SAMD12: variants seen among roughly 807,000 people sequenced by gnomAD.
SAMD12 encodes sterile alpha motif domain-containing protein 12.
In SAMD12, 9 loss-of-function variants were observed where a neutral mutation model predicts 15.0. The ratio of observed to expected loss-of-function variants is 0.60; its 90% CI spans 0.36 to 1.05. The LOEUF (loss-of-function observed/expected upper bound fraction) is 1.05. Ranked by LOEUF, SAMD12 falls within the 50% of genes least tolerant of loss-of-function variation. The pLI is 0.01. For missense variants in SAMD12, 230 were observed against 234.2 expected (o/e 0.98, Z 0.12); for synonymous variants, 86 against 90.1 (o/e 0.96, Z 0.25).
chr8:118,607,012 A>G (rs1026693681), intron 1 of SAMD12, among the ~76,000 whole-genome samples: 3 of 152,098 alleles, frequency 2.0e-5, no homozygotes, highest in African/African-American at 7.2e-5. Context: ...ATAGGCAAGC[A>G]CCTACCAAGG....
chr8:118,421,074 A>G (rs1421603714), intron 3 of SAMD12, among the ~76,000 whole-genome samples: 2 of 152,202 alleles, frequency 1.3e-5, no homozygotes, highest in Non-Finnish European at 2.9e-5. Context: ...AATCCTCCTA[A>G]TATGGTCTTA....
the SAMD12 span, among the ~76,000 whole-genome samples, chr8:118,148,506 T>A: frequency 6.6e-6 from 1 of 152,234 alleles, no homozygotes; most frequent in Non-Finnish European, 1.5e-5. Context: ...AACATTATGA[T>A]CTTTTAAAAA....
chr8:118,529,359 T>C (rs1035707826), intron 2 of SAMD12, among the ~76,000 whole-genome samples: 3 of 152,218 alleles, frequency 2.0e-5, no homozygotes, highest in African/African-American at 7.2e-5. Context: ...TGGGCTTTCA[T>C]TGTCACAAGG....
chr8:118,538,977 T>A (rs150527086), intron 2 of SAMD12, among the ~76,000 whole-genome samples: 2 of 152,342 alleles, frequency 1.3e-5, no homozygotes, highest in African/African-American at 4.8e-5. Flanking sequence ...ATTTGCCTGA[T>A]ATTTCAGAGG....
Position 118,379,351 on chromosome 8 carries a change from C to A in SAMD12, c.*66G>T. ...AGCTCAGGTAATTCTGTTTGCTCAT[C>A]CATTACTTATTTGTGCATCCTTCTC... is the stretch of plus-strand genomic sequence containing the variant. On this transcript the variant is annotated 3_prime_UTR_variant, in exon 4 of 4. Transcript: ENST00000314727. 6.4e-7 allele frequency: 1 copy of A among 1,554,192 alleles called. No individual in the cohort carries two copies. Among genetic ancestry groups the A allele is most frequent in the South Asian group, 1.2e-5 (1 of 82,236 alleles).
At chr8:118,260,701 T>C (rs1372436862) in intron 4 of SAMD12, among the ~76,000 whole-genome samples, 1 of 152,116 alleles carries the variant, frequency 6.6e-6, no homozygotes, top group Non-Finnish European at 1.5e-5. Flanking sequence ...CATTGGAGTC[T>C]ATCCTCTTTA....
intron 4 of SAMD12, among the ~76,000 whole-genome samples, chr8:118,344,334 C>T (rs1027753116): frequency 6.6e-6 from 1 of 152,202 alleles, no homozygotes; most frequent in Non-Finnish European, 1.5e-5. Context: ...AGGCTTGTGT[C>T]GTAGGCCAAC....
At chr8:118,211,168 C>T (rs897516873) in intron 4 of SAMD12, among the ~76,000 whole-genome samples, 2 of 152,220 alleles carry the variant, frequency 1.3e-5, no homozygotes, top group African/African-American at 4.8e-5. Flanking sequence ...CTTATCCCCC[C>T]ATCTAGTTAC....
intron 2 of SAMD12, among the ~76,000 whole-genome samples, chr8:118,454,221 T>A (rs891925867): frequency 6.6e-6 from 1 of 152,218 alleles, no homozygotes; most frequent in South Asian, 2.1e-4. Flanking sequence ...AATGGCTAGA[T>A]CTAGAGTTCT....
chr8:118,411,607 G>A (rs563990160), intron 3 of SAMD12, among the ~76,000 whole-genome samples: 3 of 132,870 alleles, frequency 2.3e-5, no homozygotes, highest in South Asian at 4.2e-4. Context: ...ACCCACAATA[G>A]TTAAAGGAGT....
chr8:118,395,018 C>T (rs1037941550), intron 3 of SAMD12: 1 of 152,186 alleles, frequency 6.6e-6, no homozygotes, highest in African/African-American at 2.4e-5. Context: ...TGCTTTAAGT[C>T]TCCGTTTTCC....
At chr8:118,201,641 C>A (rs1345975194) in intron 4 of SAMD12, among the ~76,000 whole-genome samples, 4 of 152,156 alleles carry the variant, frequency 2.6e-5, no homozygotes, top group Non-Finnish European at 4.4e-5. Context: ...GGAGGAGAAT[C>A]TTTGTTTCTC....
intron 3 of SAMD12, among the ~76,000 whole-genome samples, chr8:118,433,047 ATGTACCTATAT>A (rs1446679528): frequency 2.6e-5 from 4 of 152,204 alleles, no homozygotes; most frequent in African/African-American, 9.7e-5. Flanking sequence ...ACAGGGGGAC[ATGTACCTATAT>A]TGTAAGGGGG....
intron 2 of SAMD12, among the ~76,000 whole-genome samples, chr8:118,550,518 C>A (rs977633306): frequency 0.013 from 1,915 of 152,134 alleles, 49 homozygotes; most frequent in African/African-American, 0.042. Flanking sequence ...TAAAAGAGCT[C>A]CTGAAGGAAG....
chr8:118,157,682 GT>G, the SAMD12 span, among the ~76,000 whole-genome samples: 2 of 152,188 alleles, frequency 1.3e-5, no homozygotes, highest in Admixed American at 1.3e-4. Context: ...TTTCGTTACT[GT>G]TTTTACAATG....
At chr8:118,283,125 A>ACT (rs1813737744) in intron 4 of SAMD12, among the ~76,000 whole-genome samples, 1 of 151,974 alleles carries the variant, frequency 6.6e-6, no homozygotes, top group Admixed American at 6.6e-5. Flanking sequence ...CTGGTACTTT[A>ACT]TTTTTTTAAT....
chr8:118,380,658 G>C (rs1184117278), intron 3 of SAMD12, among the ~76,000 whole-genome samples: 2 of 152,172 alleles, frequency 1.3e-5, no homozygotes, highest in Non-Finnish European at 2.9e-5. Context: ...CACATCTGCA[G>C]ATCTTTTCTC....
intron 1 of SAMD12, chr8:118,621,022 T>G (rs880034): frequency 0.9 from 137,753 of 152,254 alleles, 62,382 homozygotes; most frequent in Middle Eastern, 0.97. Context: ...CAAGGTAAGA[T>G]AACCTGAAAT....
chr8:118,145,749 C>T, the SAMD12 span, among the ~76,000 whole-genome samples: 1 of 152,162 alleles, frequency 6.6e-6, no homozygotes, highest in African/African-American at 2.4e-5. Context: ...AAGAGAGAGC[C>T]TCAGACTACA....
Sources: gnomAD v4.1 joint callset for allele counts (sites outside exome capture counted in the v4.1 genomes callset) on GRCh38, gnomAD v4.1.1 for gene constraint, MANE v1.5 for transcripts, NCBI Gene and HGNC (gene_info 2026-07-23, HGNC 2026-07-21) for gene names.